Variants in CLYBL observed in about 807,000 individuals in gnomAD.
CLYBL encodes the protein citramalyl-CoA lyase.
Under a neutral mutation model 38.9 loss-of-function variants are expected in CLYBL, and 31 were observed. The ratio of observed to expected loss-of-function variants is 0.80; its 90% CI spans 0.60 to 1.08. The LOEUF (loss-of-function observed/expected upper bound fraction) is 1.08. CLYBL is among the 50% of genes least tolerant of loss of function. The pLI is 0.00. For synonymous variants in CLYBL, 171 were observed against 158.6 expected (o/e 1.08, Z -0.59); for missense variants, 434 against 411.6 (o/e 1.05, Z -0.47).
At chr13:99,885,424 GA>G (rs2052326818) in intron 7 of CLYBL, among the ~76,000 whole-genome samples, 1 of 152,232 alleles carries the variant, frequency 6.6e-6, no homozygotes, top group East Asian at 1.9e-4. Flanking sequence ...GCTGAGGGGG[GA>G]GGGTCCCATC....
intron 1 of CLYBL, among the ~76,000 whole-genome samples, chr13:99,743,566 C>G (rs1392227721): frequency 6.6e-6 from 1 of 152,130 alleles, no homozygotes; most frequent in African/African-American, 2.4e-5. Flanking sequence ...GGCGCCATAA[C>G]TGGGATTATT....
chr13:99,759,148 A>G (rs2049119145), intron 1 of CLYBL, among the ~76,000 whole-genome samples: 1 of 152,252 alleles, frequency 6.6e-6, no homozygotes. Context: ...GGCCCAGAGC[A>G]GGTCACCCAT....
chr13:99,750,976 A>T (rs1457867673), intron 1 of CLYBL, among the ~76,000 whole-genome samples: 2 of 152,208 alleles, frequency 1.3e-5, no homozygotes, highest in Non-Finnish European at 2.9e-5. Context: ...TTGAACATAG[A>T]ATTACCAGAT....
chr13:99,674,590 G>A (rs1045500263), intron 1 of CLYBL, among the ~76,000 whole-genome samples: 1 of 152,148 alleles, frequency 6.6e-6, no homozygotes, highest in Non-Finnish European at 1.5e-5. Flanking sequence ...AATGGACACA[G>A]AGCTGACTGA....
At chr13:99,703,893 T>C (rs1282546709) in intron 1 of CLYBL, among the ~76,000 whole-genome samples, 1 of 152,212 alleles carries the variant, frequency 6.6e-6, no homozygotes, top group African/African-American at 2.4e-5. Context: ...ACATATAAGA[T>C]AATGTATAGC....
chr13:99,717,595 G>T (rs2048337878), intron 1 of CLYBL, among the ~76,000 whole-genome samples: 2 of 151,918 alleles, frequency 1.3e-5, no homozygotes, highest in South Asian at 4.2e-4. Context: ...GTGTAACTGG[G>T]ACTACAGGTA....
chr13:99,733,605 C>T (rs188578079), intron 1 of CLYBL, among the ~76,000 whole-genome samples: 69 of 152,376 alleles, frequency 4.5e-4, no homozygotes, highest in South Asian at 1.5e-3. Context: ...CCATCGACTA[C>T]CCCTTGGACT....
chr13:99,720,450 A>G (rs570339256), intron 1 of CLYBL, among the ~76,000 whole-genome samples: 1 of 152,148 alleles, frequency 6.6e-6, no homozygotes, highest in African/African-American at 2.4e-5. Context: ...ATTTACTTAC[A>G]TGTTTACTCT....
intron 1 of CLYBL, among the ~76,000 whole-genome samples, chr13:99,768,384 G>T (rs1261048202): frequency 6.7e-5 from 10 of 149,568 alleles, no homozygotes; most frequent in African/African-American, 2.5e-4. Flanking sequence ...TAGTAGAGAT[G>T]GGGTTTCACC....
intron 1 of CLYBL, among the ~76,000 whole-genome samples, chr13:99,752,966 GA>G (rs2048984731): frequency 1.3e-5 from 2 of 152,152 alleles, no homozygotes; most frequent in Non-Finnish European, 2.9e-5. Flanking sequence ...GAAGGCCTGT[GA>G]AGGGAAGGGC....
At chr13:99,731,715 C>T (rs1483903760) in intron 1 of CLYBL, among the ~76,000 whole-genome samples, 3 of 152,140 alleles carry the variant, frequency 2.0e-5, no homozygotes, top group African/African-American at 7.2e-5. Context: ...GCCACATGGA[C>T]AGTGGACCCC....
intron 1 of CLYBL, among the ~76,000 whole-genome samples, chr13:99,739,996 A>C (rs182023252): frequency 8.4e-4 from 127 of 151,684 alleles, no homozygotes; most frequent in Admixed American, 1.3e-3. Context: ...AAAAAAACAA[A>C]AAAACTGTAT....
At chr13:99,861,551 C>G (rs2051603451) in intron 3 of CLYBL, among the ~76,000 whole-genome samples, 1 of 152,138 alleles carries the variant, frequency 6.6e-6, no homozygotes, top group South Asian at 2.1e-4. Context: ...ACATCAAATA[C>G]TATACATTTT....
intron 1 of CLYBL, among the ~76,000 whole-genome samples, chr13:99,650,180 G>A (rs927866424): frequency 5.3e-5 from 8 of 151,856 alleles, no homozygotes; most frequent in Admixed American, 3.9e-4. Flanking sequence ...GGAGAATGGC[G>A]TGAACCCAGG....
intron 1 of CLYBL, among the ~76,000 whole-genome samples, chr13:99,708,654 C>T (rs1367049402): frequency 6.6e-6 from 1 of 152,164 alleles, no homozygotes; most frequent in African/African-American, 2.4e-5. Flanking sequence ...GTACTTGGCA[C>T]ACAGTAAGAG....
At chr13:99,755,629 G>A (rs2049048834) in intron 1 of CLYBL, among the ~76,000 whole-genome samples, 1 of 152,214 alleles carries the variant, frequency 6.6e-6, no homozygotes, top group Non-Finnish European at 1.5e-5. Context: ...GGAATGGATA[G>A]CATGCCACTG....
chr13:99,720,899 A>G (rs1344043497), intron 1 of CLYBL, among the ~76,000 whole-genome samples: 1 of 152,106 alleles, frequency 6.6e-6, no homozygotes, highest in Non-Finnish European at 1.5e-5. Flanking sequence ...TCTCAGTCAT[A>G]AGTCCTCATT....
At chr13:99,823,471 C>T (rs975989975) in intron 2 of CLYBL, among the ~76,000 whole-genome samples, 2 of 152,228 alleles carry the variant, frequency 1.3e-5, no homozygotes, top group Non-Finnish European at 2.9e-5. Flanking sequence ...ACCAATTCAT[C>T]CTGCCTCCAT....
intron 1 of CLYBL, among the ~76,000 whole-genome samples, chr13:99,662,248 C>CGT (rs2047419382): frequency 6.6e-6 from 1 of 152,108 alleles, no homozygotes; most frequent in Non-Finnish European, 1.5e-5. Flanking sequence ...TTAATTGTGC[C>CGT]GTGTGATTTT....
Sources: allele counts gnomAD v4.1 joint callset (sites outside exome capture counted in the v4.1 genomes callset), GRCh38; gene constraint gnomAD v4.1.1; transcripts MANE v1.5; gene names NCBI Gene and HGNC (gene_info 2026-07-23, HGNC 2026-07-21).